The following DNAJC13 variants were observed in gnomAD, a reference collection of about 807,000 sequenced individuals.
DNAJC13 encodes the protein dnaJ homolog subfamily C member 13.
A neutral mutation model predicts 290.5 loss-of-function variants in DNAJC13; 75 were observed. That is an observed-to-expected ratio of 0.26 (90% CI 0.21 to 0.31). The LOEUF is 0.31. Among genes scored for constraint, DNAJC13 ranks in the 10% least tolerant of loss-of-function variants. DNAJC13 has a pLI of 1.00. For synonymous variants in DNAJC13, 862 were observed against 892.0 expected, an observed-to-expected ratio of 0.97 and a Z score of 0.60; for missense variants, 2,260 against 2,674.5, an observed-to-expected ratio of 0.85 and a Z score of 3.42.
intron 20 of DNAJC13, among the ~76,000 whole-genome samples, chr3:132,470,994 C>T (rs1481694965): frequency 6.5e-4 from 78 of 120,838 alleles, no homozygotes; most frequent in African/African-American, 1.0e-3. Context: ...ACCTCCCGGA[C>T]GGGGCGGCTG....
intron 41 of DNAJC13, among the ~76,000 whole-genome samples, chr3:132,503,866 A>G (rs1181217851): frequency 6.6e-6 from 1 of 152,158 alleles, no homozygotes; most frequent in East Asian, 1.9e-4. Context: ...AGATCTCCCA[A>G]CCTCTTTAAC....
In DNAJC13 at chr3:132,453,705, G is replaced by C. The variant is rs771512627; in HGVS notation, c.840+11G>C. 2 of 1,587,696 alleles carry C rather than the reference G, an allele frequency of 1.3e-6. No individual in the cohort carries two copies. The highest frequency in any genetic ancestry group is 1.7e-6 in the Non-Finnish European group (2 of 1,166,774). ...AAGCCTTTAGGAGAAGTAAGTTTCA[G>C]CATTGTTAGCTTAAATGAGATTTCT... On this transcript the variant is annotated intron_variant, in intron 8 of 55. Coordinates refer to ENST00000260818, the MANE Select transcript of DNAJC13 (RefSeq NM_015268.4).
Position 132,489,037 on chromosome 3 carries a change from C to T in DNAJC13, c.3468+16C>T. 1 of 1,605,374 alleles carries T rather than the reference C, an allele frequency of 6.2e-7. No homozygotes were observed. The highest frequency in any genetic ancestry group is 8.5e-7 in the Non-Finnish European group (1 of 1,172,842). On this transcript the variant is annotated intron_variant, in intron 31 of 55. Coordinates refer to ENST00000260818, the MANE Select transcript of DNAJC13 (RefSeq NM_015268.4). ...GTCAGAAGAGGTAAGCCAGGTTAATCCTCTGAATACTTAACCCTGGGTAAG... is the reference window on the plus strand; with the variant it reads ...GTCAGAAGAGGTAAGCCAGGTTAATTCTCTGAATACTTAACCCTGGGTAAG...
chr3:132,505,458 T>A (rs778022336), intron 42 of DNAJC13, 43 bp downstream of exon 42: 48 of 1,253,796 alleles, frequency 3.8e-5, no homozygotes, highest in Admixed American at 5.6e-5. Flanking sequence ...TTTATTCTGA[T>A]GGAATCTCTG....
rs1165710298 is a variant in DNAJC13, at chr3:132,528,225, T to A, written c.6418T>A (p.Leu2140Ile). The change falls in exon 54 of 56, where the codon TTA becomes ATA. Residue 2140 changes from leucine to isoleucine, a missense_variant. Physicochemically the swap from Leu to Ile is conservative, Grantham distance 5 (BLOSUM62 2). Around this residue, in one of 3 missense-constraint regions of DNAJC13, gnomAD observed 1,494 missense variants for 1,693.7 expected, o/e 0.88. Coordinates refer to ENST00000260818, the MANE Select transcript of DNAJC13 (RefSeq NM_015268.4). ...AGATTTGGTTCCATACCTCTTAAAATTACTCGAAGGCATTGGCCTTGAAAA... is the reference window on the plus strand; with the variant it reads ...AGATTTGGTTCCATACCTCTTAAAAATACTCGAAGGCATTGGCCTTGAAAA... ...KADLVPYLLK[L>I]LEGIGLENLD... The A allele has an allele frequency of 1.2e-6, 2 of 1,614,140 alleles. No homozygotes were observed. Among genetic ancestry groups the A allele is most frequent in the Admixed American group, 3.3e-5 (2 of 60,010 alleles).
chr3:132,534,957 TTA>T (rs1936545209), intron 55 of DNAJC13, among the ~76,000 whole-genome samples: 1 of 152,196 alleles, frequency 6.6e-6, no homozygotes. Flanking sequence ...CTCCAGGAAT[TTA>T]TAGTGTTGTG....
chr3:132,514,642 A>T lies in DNAJC13; in HGVS notation c.5457A>T (p.Leu1819Phe). 5 of 1,611,314 alleles carry T rather than the reference A, an allele frequency of 3.1e-6. No homozygotes were observed. Among genetic ancestry groups the T allele is most frequent in the Non-Finnish European group, 4.2e-6 (5 of 1,178,728 alleles). Reference protein sequence around the residue: ...NIAESMVLSSLLALLHSLPSS... With the variant: ...NIAESMVLSSFLALLHSLPSS... ...CTGAATCAATGGTTTTGTCCAGTTT[A>T]TTGGCTCTTCTACATTCATTGCCAT... Residue 1819 changes from leucine (L) to phenylalanine (F), a missense_variant, in exon 46 of 56, where the codon TTA becomes TTT. By Grantham distance (22) the Leu-to-Phe change is conservative. This residue lies in a region of DNAJC13 where 1,494 missense variants were observed against 1,693.7 expected (regional missense o/e 0.88). Coordinates refer to ENST00000260818, the MANE Select transcript of DNAJC13 (RefSeq NM_015268.4).
chr3:132,436,184 C>A (rs1288515904), intron 2 of DNAJC13, among the ~76,000 whole-genome samples: 1 of 152,164 alleles, frequency 6.6e-6, no homozygotes, highest in Non-Finnish European at 1.5e-5. Flanking sequence ...AAAAAACTTC[C>A]TCTAAACACT....
At chr3:132,496,371 A>C (rs1341664336) in intron 35 of DNAJC13, among the ~76,000 whole-genome samples, 157 bp from the exon 36 acceptor site, 1 of 152,194 alleles carries the variant, frequency 6.6e-6, no homozygotes, top group Non-Finnish European at 1.5e-5. Flanking sequence ...ATTTCACCTT[A>C]ACAGTATACC....
intron 2 of DNAJC13, among the ~76,000 whole-genome samples, chr3:132,435,376 C>T (rs907248523): frequency 2.0e-5 from 3 of 152,160 alleles, no homozygotes; most frequent in Admixed American, 1.3e-4. Flanking sequence ...TATTCTGAAT[C>T]GTGCCACAAG....
intron 13 of DNAJC13, among the ~76,000 whole-genome samples, chr3:132,459,764 C>A (rs528212233): frequency 6.6e-6 from 1 of 152,204 alleles, no homozygotes; most frequent in East Asian, 1.9e-4. Flanking sequence ...AACTTAGAGA[C>A]TTATGTAAAG....
intron 29 of DNAJC13, among the ~76,000 whole-genome samples, chr3:132,486,292 A>G (rs1293046293): frequency 6.6e-6 from 1 of 151,700 alleles, no homozygotes. Context: ...AAAGAGAGGA[A>G]TTTTTTCTCC....
intron 48 of DNAJC13, among the ~76,000 whole-genome samples, chr3:132,517,434 C>T (rs1246083353): frequency 1.3e-5 from 2 of 152,276 alleles, no homozygotes; most frequent in East Asian, 3.9e-4. Flanking sequence ...GTTACTAAGT[C>T]AGTTTCACAA....
In DNAJC13 at chr3:132,483,367, T is replaced by C; in HGVS notation, c.2980-8T>C. The C allele has an allele frequency of 6.2e-7, 1 of 1,613,108 alleles. No homozygotes were observed. Among genetic ancestry groups the C allele is most frequent in the Middle Eastern group, 1.7e-4 (1 of 6,058 alleles). On this transcript the variant is annotated splice_region_variant and splice_polypyrimidine_tract_variant and intron_variant, in intron 27 of 55. Transcript: ENST00000260818. ...TGTCTGTTTGTAATAATGCCTTCCA[T>C]CCATTAGATGCAAGAATTGTGGACC...
Position 132,447,853 on chromosome 3 carries a change from T to C in DNAJC13, c.295-45T>C, listed in dbSNP as rs1933301888. The C allele has an allele frequency of 2.6e-6, 4 of 1,546,656 alleles. No individual in the cohort carries two copies. In the African/African-American group the frequency reaches 5.5e-5, roughly 21 times the overall value. On this transcript the variant is annotated intron_variant, in intron 4 of 55. Coordinates refer to ENST00000260818, the MANE Select transcript of DNAJC13 (RefSeq NM_015268.4). ...TAGAAGGGAGTGAGCCAAGTTTTCC[T>C]TACCAGTCTGTTGTCATAAACTGTG...
At chr3:132,443,054 G>A (rs931643861) in intron 2 of DNAJC13, among the ~76,000 whole-genome samples, 2 of 152,234 alleles carry the variant, frequency 1.3e-5, no homozygotes, top group Non-Finnish European at 2.9e-5. Context: ...GCTGGGTACT[G>A]TGGTAGGAGT....
At chr3:132,533,812 T>C (rs1383126800) in intron 55 of DNAJC13, among the ~76,000 whole-genome samples, 1 of 152,220 alleles carries the variant, frequency 6.6e-6, no homozygotes, top group Non-Finnish European at 1.5e-5. Context: ...TGTCCTTGAC[T>C]TACAGAGTGT....
At chr3:132,506,934 T>G (rs566340550) in intron 42 of DNAJC13, among the ~76,000 whole-genome samples, 1 of 152,330 alleles carries the variant, frequency 6.6e-6, no homozygotes, top group African/African-American at 2.4e-5. Flanking sequence ...TGATGTCTGC[T>G]GAGTTGATTG....
intron 20 of DNAJC13, among the ~76,000 whole-genome samples, chr3:132,470,422 A>AT (rs1934159965): frequency 9.9e-6 from 1 of 100,768 alleles, no homozygotes; most frequent in Admixed American, 9.4e-5. Context: ...CGATTTCTCA[A>AT]TCTTTTCCCC....
Sources: gnomAD v4.1 joint callset for allele counts (sites outside exome capture counted in the v4.1 genomes callset) on GRCh38, gnomAD v4.1.1 for gene constraint, gnomAD v4.1.1 regional missense constraint, MANE v1.5 for transcripts, NCBI Gene and HGNC (gene_info 2026-07-23, HGNC 2026-07-21) for gene names.